FAF1: variants seen among roughly 807,000 people sequenced by gnomAD.
The protein encoded by FAF1 is Fas associated factor 1.
Under a neutral mutation model 92.5 loss-of-function variants are expected in FAF1, and 25 were observed. That is an observed-to-expected ratio of 0.27 (90% CI 0.20 to 0.38). The LOEUF (loss-of-function observed/expected upper bound fraction) is 0.38. Among genes scored for constraint, FAF1 ranks in the 10% least tolerant of loss-of-function variants. FAF1 has a pLI of 1.00. For missense variants in FAF1, 636 were observed against 793.3 expected (o/e 0.80, Z 2.38); for synonymous variants, 234 against 273.2 (o/e 0.86, Z 1.42).
chr1:50,597,976 C>T (rs773443951), intron 8 of FAF1, among the ~76,000 whole-genome samples: 1 of 152,092 alleles, frequency 6.6e-6, no homozygotes, highest in African/African-American at 2.4e-5. Flanking sequence ...ACTATTCACT[C>T]GAATCAATAT....
At chr1:50,475,332 G>A (rs1646625368) in intron 18 of FAF1, 132 bp downstream of exon 18, 2 of 687,128 alleles carry the variant, frequency 2.9e-6, no homozygotes. Flanking sequence ...ATGGTGTGCA[G>A]AACAAAGAAG....
At chr1:50,875,803 C>G (rs1226367186) in intron 1 of FAF1, among the ~76,000 whole-genome samples, 1 of 152,094 alleles carries the variant, frequency 6.6e-6, no homozygotes, top group Non-Finnish European at 1.5e-5. Context: ...CAATACAGCT[C>G]ATGAACTTAC....
At chr1:50,726,510 C>T (rs190235911) in intron 6 of FAF1, among the ~76,000 whole-genome samples, 23 of 152,174 alleles carry the variant, frequency 1.5e-4, no homozygotes, top group Non-Finnish European at 2.6e-4. Context: ...TCCTGGCTAA[C>T]ACGGTGAAAC....
chr1:50,449,486 TTTC>T (rs1366765052), intron 18 of FAF1, among the ~76,000 whole-genome samples: 28 of 145,580 alleles, frequency 1.9e-4, no homozygotes, highest in South Asian at 8.4e-4. Flanking sequence ...CAACTTTTTC[TTTC>T]TTTTTTTTTT....
At chr1:50,523,056 T>C (rs1647587452) in intron 15 of FAF1, among the ~76,000 whole-genome samples, 1 of 152,226 alleles carries the variant, frequency 6.6e-6, no homozygotes, top group Non-Finnish European at 1.5e-5. Flanking sequence ...TTACTTAGCA[T>C]ATTTTCAAGA....
chr1:50,723,344 G>C (rs899831334), intron 6 of FAF1, among the ~76,000 whole-genome samples: 5 of 151,284 alleles, frequency 3.3e-5, no homozygotes, highest in Admixed American at 3.3e-4. Context: ...AGGTTGCAGT[G>C]AGCGGAGACT....
chr1:50,575,393 T>G (rs1390296991), intron 12 of FAF1, among the ~76,000 whole-genome samples: 1 of 152,180 alleles, frequency 6.6e-6, no homozygotes, highest in Non-Finnish European at 1.5e-5. Flanking sequence ...AACAGCAGGT[T>G]TGGTATGGTT....
chr1:50,648,901 G>A (rs1434424814), intron 8 of FAF1, among the ~76,000 whole-genome samples: 1 of 152,198 alleles, frequency 6.6e-6, no homozygotes, highest in Non-Finnish European at 1.5e-5. Flanking sequence ...ACTCCAGCCT[G>A]GGTAACAAGA....
intron 7 of FAF1, among the ~76,000 whole-genome samples, chr1:50,663,594 A>C (rs1655489482): frequency 6.6e-6 from 1 of 151,182 alleles, no homozygotes; most frequent in African/African-American, 2.5e-5. Flanking sequence ...TAGTAGAGAC[A>C]GGGTTTCACC....
chr1:50,888,724 A>G (rs143114469), intron 1 of FAF1, among the ~76,000 whole-genome samples: 1,756 of 152,228 alleles, frequency 0.012, 12 homozygotes, highest in Non-Finnish European at 0.016. Context: ...CCACCTGATC[A>G]TGGTGGATAA....
At chr1:50,801,738 A>C (rs1365964712) in intron 2 of FAF1, 61 bp from the exon 3 acceptor site, 3 of 929,624 alleles carry the variant, frequency 3.2e-6, no homozygotes, top group Non-Finnish European at 5.3e-6. Flanking sequence ...AGTGTGGTGG[A>C]GAACACTTTA....
At position 50,838,575 on chromosome 1, in the gene FAF1, T is replaced by C. The variant is rs1344536623; in HGVS notation, c.114+19354A>G. 3.4e-5 allele frequency among the ~76,000 whole-genome samples: 5 copies of C among 148,252 alleles called. No homozygotes were observed. In the East Asian group the frequency reaches 9.7e-4, roughly 29 times the overall value. On this transcript the variant is annotated intron_variant, in intron 2 of 18. Transcript: ENST00000396153. ...AAATTAAAAATATATATATTTTATA[T>C]AATTATAAAAATTAAATTATAAATT...
chr1:50,531,368 A>G (rs1396647361), intron 15 of FAF1, among the ~76,000 whole-genome samples: 1 of 152,206 alleles, frequency 6.6e-6, no homozygotes, highest in Non-Finnish European at 1.5e-5. Context: ...ATAGATCACA[A>G]ACTAAGTATC....
rs941172313 is a variant in FAF1, at chr1:50,461,457, A to T, written c.1869+14007T>A. On this transcript the variant is annotated intron_variant, in intron 18 of 18. Transcript: ENST00000396153. ...TCTTCATCTATCTATCCATCTACCT[A>T]CCCACAACTCAGCGAGCCTCTACTT... is the stretch of plus-strand genomic sequence containing the variant. 2.6e-5 allele frequency: 4 copies of T among 152,048 alleles called. No homozygotes were observed. The South Asian group carries it at 8.3e-4, about 32-fold the overall frequency. 9.4% of individuals were successfully genotyped at this position (152,048 alleles called of 1,614,324 possible).
intron 15 of FAF1, among the ~76,000 whole-genome samples, chr1:50,500,326 G>GA (rs905225189): frequency 4.0e-5 from 6 of 151,664 alleles, no homozygotes; most frequent in South Asian, 2.1e-4. Flanking sequence ...AAAAAAAATG[G>GA]AAAAAAAATA....
intron 4 of FAF1, among the ~76,000 whole-genome samples, chr1:50,750,107 G>T (rs1243972959): frequency 1.3e-5 from 2 of 152,140 alleles, no homozygotes; most frequent in African/African-American, 4.8e-5. Context: ...CTGGAATGTA[G>T]CAAGTTTCAG....
At chr1:50,676,587 G>A (rs1167042978) in intron 7 of FAF1, among the ~76,000 whole-genome samples, 4 of 152,102 alleles carry the variant, frequency 2.6e-5, no homozygotes, top group Admixed American at 6.6e-5. Context: ...TTGGGAGACC[G>A]AGGTCGGCAG....
chr1:50,813,639 T>C lies in FAF1; in HGVS notation c.115-11962A>G, dbSNP rs565234209. Among the ~76,000 whole-genome samples the C allele has an allele frequency of 3.9e-5, 6 of 152,192 alleles. No individual in the cohort carries two copies. The East Asian group carries it at 1.2e-3, about 29-fold the overall frequency. ...CCATGCCCAACTAATTTTAAAAATT[T>C]TTTTGTAGAGACGGAGTTTCACCAT... On this transcript the variant is annotated intron_variant, in intron 2 of 18. Coordinates refer to ENST00000396153, the MANE Select transcript of FAF1 (RefSeq NM_007051.3).
chr1:50,641,575 C>T (rs1353511978), intron 8 of FAF1, among the ~76,000 whole-genome samples: 1 of 152,078 alleles, frequency 6.6e-6, no homozygotes, highest in Admixed American at 6.6e-5. Flanking sequence ...TGTATTGAGA[C>T]AATAAATAAA....
Sources: gnomAD v4.1 joint callset for allele counts (sites outside exome capture counted in the v4.1 genomes callset) on GRCh38, gnomAD v4.1.1 for gene constraint, MANE v1.5 for transcripts, NCBI Gene and HGNC (gene_info 2026-07-23, HGNC 2026-07-21) for gene names.